The following MBNL2 variants were observed in gnomAD, a reference collection of about 807,000 sequenced individuals.
The protein encoded by MBNL2 is muscleblind-like protein 2.
Under a neutral mutation model 41.9 loss-of-function variants are expected in MBNL2, and 17 were observed. That is an observed-to-expected ratio of 0.41 (90% CI 0.28 to 0.61). The LOEUF (loss-of-function observed/expected upper bound fraction) is 0.61, where lower values mean the gene tolerates loss of function less well. MBNL2 is among the 20% of genes least tolerant of loss of function. The pLI is 0.35. For missense variants in MBNL2, 336 were observed against 505.6 expected, an observed-to-expected ratio of 0.66 and a Z score of 3.22; for synonymous variants, 195 against 182.9, an observed-to-expected ratio of 1.07 and a Z score of -0.53.
At chr13:97,315,300 G>A (rs373558910) in intron 2 of MBNL2, among the ~76,000 whole-genome samples, 1 of 152,228 alleles carries the variant, frequency 6.6e-6, no homozygotes, top group African/African-American at 2.4e-5. Context: ...AGGTTTACAA[G>A]AGTCTTGGCT....
chr13:97,289,385 C>G (rs1383173816), intron 2 of MBNL2, among the ~76,000 whole-genome samples: 1 of 152,208 alleles, frequency 6.6e-6, no homozygotes, highest in African/African-American at 2.4e-5. Context: ...GGCATTGACC[C>G]AGATGCTTGG....
intron 8 of MBNL2, among the ~76,000 whole-genome samples, chr13:97,373,066 A>G (rs1428843021): frequency 6.6e-6 from 1 of 152,204 alleles, no homozygotes; most frequent in Non-Finnish European, 1.5e-5. Flanking sequence ...AATACATGGT[A>G]AAGTGGCCAG....
At chr13:97,319,376 A>G (rs763749961) in intron 2 of MBNL2, among the ~76,000 whole-genome samples, 6 of 152,124 alleles carry the variant, frequency 3.9e-5, no homozygotes, top group Non-Finnish European at 8.8e-5. Flanking sequence ...AGCTCTGGCA[A>G]TGACCAAGGG....
chr13:97,311,831 C>T (rs1298933592), intron 2 of MBNL2, among the ~76,000 whole-genome samples: 1 of 152,156 alleles, frequency 6.6e-6, no homozygotes, highest in Admixed American at 6.5e-5. Context: ...CCTCCTAAGC[C>T]TCCTCTTCGG....
At chr13:97,261,915 C>G (rs2048707132) in intron 1 of MBNL2, among the ~76,000 whole-genome samples, 1 of 152,216 alleles carries the variant, frequency 6.6e-6, no homozygotes, top group African/African-American at 2.4e-5. Flanking sequence ...GTCCTTCCCC[C>G]TTCTTGAGGC....
chr13:97,203,718 T>C, the MBNL2 span, among the ~76,000 whole-genome samples: 1 of 152,340 alleles, frequency 6.6e-6, no homozygotes, highest in East Asian at 1.9e-4. Context: ...TCATCATTTT[T>C]AAATACTCTA....
upstream of MBNL2, among the ~76,000 whole-genome samples, chr13:97,218,445 A>C (rs9516876): frequency 1.3e-4 from 9 of 69,362 alleles, no homozygotes; most frequent in Admixed American, 2.7e-4. Flanking sequence ...CAAAACAAAA[A>C]AAAAAAACTG....
chr13:97,358,029 T>G (rs904254050), intron 7 of MBNL2, among the ~76,000 whole-genome samples: 3 of 152,218 alleles, frequency 2.0e-5, no homozygotes, highest in African/African-American at 7.2e-5. Flanking sequence ...TTTCTATTTC[T>G]ATTCAGAGCA....
chr13:97,253,185 A>G (rs2046889884), intron 1 of MBNL2, among the ~76,000 whole-genome samples: 1 of 152,224 alleles, frequency 6.6e-6, no homozygotes, highest in Non-Finnish European at 1.5e-5. Context: ...TAGAAAATAC[A>G]AATTGATATA....
At chr13:97,224,652 A>AAG (rs1459049306) in intron 1 of MBNL2, among the ~76,000 whole-genome samples, 9 of 132,724 alleles carry the variant, frequency 6.8e-5, no homozygotes, top group Non-Finnish European at 1.3e-4. Context: ...AAAAAAAAAA[A>AAG]GTTGTTTGTC....
rs570211787 is a variant in MBNL2, at chr13:97,262,741, T to C, written c.-604-12891T>C. On this transcript the variant is annotated intron_variant, in intron 1 of 8. Coordinates refer to ENST00000679496, the MANE Select transcript of MBNL2 (RefSeq NM_001382683.1). ...TCCTTCTGCACACACAGGACCCACA[T>C]TTTGAAGTCCTCCCTCGCTTTTTTT... 2.6e-5 allele frequency among the ~76,000 whole-genome samples: 4 copies of C among 152,100 alleles called. No individual in the cohort carries two copies. The East Asian group carries it at 7.8e-4, about 29-fold the overall frequency.
At chr13:97,144,409 T>C in the MBNL2 span, among the ~76,000 whole-genome samples, 1 of 143,380 alleles carries the variant, frequency 7.0e-6, no homozygotes, top group Non-Finnish European at 1.5e-5. Flanking sequence ...TCCCTGCCTC[T>C]AGACATGATA....
chr13:97,267,629 G>C (rs1566377529), intron 1 of MBNL2, among the ~76,000 whole-genome samples: 1 of 152,174 alleles, frequency 6.6e-6, no homozygotes, highest in Non-Finnish European at 1.5e-5. Flanking sequence ...TCTCAGGCAA[G>C]TGTCCGTAAA....
In MBNL2 at chr13:97,268,363, A is replaced by G. The variant is rs2050258529; in HGVS notation, c.-604-7269A>G. ...ATGATCCATCTGCCTCGGCCTCCCA[A>G]ACGCTGGGATTACAGGTGTGAGCCA... On this transcript the variant is annotated intron_variant, in intron 1 of 8. Coordinates refer to ENST00000679496, the MANE Select transcript of MBNL2 (RefSeq NM_001382683.1). The surrounding 1 kb of genome is among the most constrained non-coding windows in gnomAD (Gnocchi z 4.6). Among the ~76,000 whole-genome samples, 1 of 152,152 alleles carries G rather than the reference A, an allele frequency of 6.6e-6. No individual in the cohort carries two copies. Among genetic ancestry groups the G allele is most frequent in the South Asian group, 2.1e-4 (1 of 4,830 alleles).
At chr13:97,203,706 CT>C in the MBNL2 span, among the ~76,000 whole-genome samples, 1 of 152,178 alleles carries the variant, frequency 6.6e-6, no homozygotes, top group Non-Finnish European at 1.5e-5. Flanking sequence ...TCTACCTAAC[CT>C]TCATCATTTT....
At chr13:97,361,082 A>G (rs999171062) in intron 7 of MBNL2, among the ~76,000 whole-genome samples, 1 of 152,234 alleles carries the variant, frequency 6.6e-6, no homozygotes, top group African/African-American at 2.4e-5. Flanking sequence ...TAATGAGAAT[A>G]CAAAAGAGTT....
chr13:97,230,597 G>T (rs1218573556), intron 1 of MBNL2, among the ~76,000 whole-genome samples: 1 of 152,098 alleles, frequency 6.6e-6, no homozygotes, highest in African/African-American at 2.4e-5. Flanking sequence ...TGAATCTTGG[G>T]GAACATGGCA....
rs1401355725 is a variant in MBNL2 at position 97,392,182 on chromosome 13, G to A, written c.*733G>A. 6.6e-6 allele frequency: 1 copy of A among 152,564 alleles called. No individual in the cohort carries two copies. The highest frequency in any genetic ancestry group is 1.5e-5 in the Non-Finnish European group (1 of 68,000). The allele number at this position is 152,564 out of a possible 1,614,324, so 9.5% of individuals were successfully genotyped here. ...TTCATCCAGCTTGACAAGATTGAGA[G>A]GCCCATGCCAACAGTCTAATCTAAG... On this transcript the variant is annotated 3_prime_UTR_variant, in exon 9 of 9. Coordinates refer to ENST00000679496, the MANE Select transcript of MBNL2 (RefSeq NM_001382683.1).
At chr13:97,365,275 T>C (rs2063759341) in intron 8 of MBNL2, 104 bp downstream of exon 8, 3 of 821,502 alleles carry the variant, frequency 3.7e-6, no homozygotes, top group Non-Finnish European at 4.3e-6. Context: ...AAATAGTAGA[T>C]TTGAAGGCTT....
Sources: gnomAD v4.1 joint callset for allele counts (sites outside exome capture counted in the v4.1 genomes callset) on GRCh38, gnomAD v4.1.1 for gene constraint, Gnocchi (gnomAD v3.1) non-coding constraint, MANE v1.5 for transcripts, NCBI Gene and HGNC (gene_info 2026-07-23, HGNC 2026-07-21) for gene names.